The following DST variants were observed in gnomAD, a reference collection of about 807,000 sequenced individuals.
DST encodes dystonin.
DST carries 253 observed loss-of-function variants against 875.2 expected under a neutral mutation model. That is an observed-to-expected ratio of 0.29 (90% CI 0.26 to 0.32). The LOEUF (loss-of-function observed/expected upper bound fraction) is 0.32, where lower values mean the gene tolerates loss of function less well. Among genes scored for constraint, DST ranks in the 10% least tolerant of loss-of-function variants. The pLI is 1.00. For missense variants in DST, 8,287 were observed against 9,111.6 expected, an observed-to-expected ratio of 0.91 and a Z score of 3.68; for synonymous variants, 3,124 against 3,197.1, an observed-to-expected ratio of 0.98 and a Z score of 0.77.
intron 49 of DST, among the ~76,000 whole-genome samples, chr6:56,586,831 C>T (rs1363164266): frequency 6.6e-6 from 1 of 152,200 alleles, no homozygotes; most frequent in Non-Finnish European, 1.5e-5. Flanking sequence ...CAAACTCCAA[C>T]AGACCTGCAG....
At chr6:56,872,315 G>T (rs1242928092) in intron 3 of DST, among the ~76,000 whole-genome samples, 1 of 152,118 alleles carries the variant, frequency 6.6e-6, no homozygotes, top group Non-Finnish European at 1.5e-5. Context: ...ATTACATAAA[G>T]TATGATAACA....
rs140147455 is a variant in DST, at chr6:56,661,803, G to A, written c.1214+8838C>T. Among the ~76,000 whole-genome samples the A allele has an allele frequency of 2.8e-3, 431 of 152,226 alleles. 2 individuals are homozygous for A. The highest frequency in any genetic ancestry group is 9.7e-3 in the African/African-American group (401 of 41,536). On this transcript the variant is annotated intron_variant, in intron 10 of 103. Coordinates refer to ENST00000680361, the MANE Select transcript of DST (RefSeq NM_001374736.1). ...CCGTTTCTCCATGTTGGCCAGGATG[G>A]TCTTGAACTCCTGACCTCGGGTGAT...
intron 58 of DST, among the ~76,000 whole-genome samples, chr6:56,558,583 T>A (rs1205207233): frequency 6.6e-6 from 1 of 152,116 alleles, no homozygotes; most frequent in African/African-American, 2.4e-5. Context: ...CTGCTATTAA[T>A]GTTTCTCAGC....
intron 2 of DST, among the ~76,000 whole-genome samples, chr6:56,928,352 G>C (rs1037497646): frequency 6.6e-6 from 1 of 151,984 alleles, no homozygotes; most frequent in Non-Finnish European, 1.5e-5. Flanking sequence ...TATTGACGCA[G>C]CCCACTGTGC....
At chr6:56,567,841 A>T (rs10807515) in intron 55 of DST, among the ~76,000 whole-genome samples, 1 of 152,012 alleles carries the variant, frequency 6.6e-6, no homozygotes, top group Admixed American at 6.5e-5. Flanking sequence ...TGTATGTTTC[A>T]AACTAAAAAC....
chr6:56,759,175 G>C (rs1244284062), intron 4 of DST, among the ~76,000 whole-genome samples: 1 of 152,180 alleles, frequency 6.6e-6, no homozygotes, highest in East Asian at 1.9e-4. Context: ...ATCAGCCCAG[G>C]CGCAGTGGCT....
chr6:56,639,832 A>G, intron 19 of DST, 59 bp from the exon 20 acceptor site: 1 of 1,584,022 alleles, frequency 6.3e-7, no homozygotes, highest in Non-Finnish European at 8.7e-7. Flanking sequence ...TCTGACTCAC[A>G]CTTAATGTAT....
Position 56,607,111 on chromosome 6 carries a change from C to A in DST, c.7517G>T (p.Gly2506Val), listed in dbSNP as rs2098505247. The A allele has an allele frequency of 1.2e-6, 2 of 1,613,228 alleles. No individual in the cohort carries two copies. The highest frequency in any genetic ancestry group is 1.7e-6 in the Non-Finnish European group (2 of 1,179,544). The change falls in exon 40 of 104, where the codon GGA becomes GTA. Residue 2506 changes from glycine (G) to valine (V), a missense_variant. By Grantham distance (109) the Gly-to-Val change is moderately radical. Transcript: ENST00000680361. ...INISLPGEQY[G>V]QKSLNMISSN... is the part of the protein sequence containing the mutation. ...AGAAATCATATTTAAAGATTTCTGT[C>A]CATACTGCTCTCCTGGTAAACTGAT... is the stretch of plus-strand genomic sequence containing the variant.
intron 90 of DST, among the ~76,000 whole-genome samples, chr6:56,478,588 G>A (rs1031565810): frequency 6.6e-6 from 1 of 152,178 alleles, no homozygotes; most frequent in Non-Finnish European, 1.5e-5. Context: ...ATAGAACTCT[G>A]AAAATGTGAT....
intron 9 of DST, among the ~76,000 whole-genome samples, chr6:56,676,674 A>G (rs2099131844): frequency 6.9e-6 from 1 of 145,568 alleles, no homozygotes; most frequent in South Asian, 2.3e-4. Flanking sequence ...ATATACAAAC[A>G]ATACAGTACT....
rs771562597 is a variant in DST at position 56,597,814 on chromosome 6, G to T, written c.12121C>A (p.Leu4041Met). 7.4e-6 allele frequency: 12 copies of T among 1,613,930 alleles called. No homozygotes were observed. Among genetic ancestry groups the T allele is most frequent in the African/African-American group, 1.3e-5 (1 of 75,046 alleles). ...IGEEDEVNGN[L>M]LETDVDGQVG... ...TGCCCATCAACATCAGTCTCCAACA[G>T]GTTACCATTAACTTCATCCTCTTCT... Residue 4041 changes from leucine to methionine, a missense_variant, in exon 47 of 104, where the codon CTG (leucine) becomes ATG (methionine). Physicochemically the swap from Leu to Met is conservative, Grantham distance 15 (BLOSUM62 2). Coordinates refer to ENST00000680361, the MANE Select transcript of DST (RefSeq NM_001374736.1).
At chr6:56,942,973 T>C (rs1329619695) in intron 2 of DST, among the ~76,000 whole-genome samples, 1 of 152,134 alleles carries the variant, frequency 6.6e-6, no homozygotes, top group Non-Finnish European at 1.5e-5. Flanking sequence ...CTCCCGCATC[T>C]GCCTCCCAAA....
rs117295517 is a variant in DST, at chr6:56,759,234, T to A, written c.626-23945A>T. 0.011 allele frequency among the ~76,000 whole-genome samples: 1,630 copies of A among 152,260 alleles called. 59 individuals carry two copies. In the East Asian group the frequency reaches 0.11, roughly 10 times the overall value. ...GGGAGGCCGAAGTGGGCGGATCACT[T>A]GAGGTCAGGAGTTGGAGAGCCTGGC... is the stretch of plus-strand genomic sequence containing the variant. On this transcript the variant is annotated intron_variant, in intron 4 of 103. Coordinates refer to ENST00000680361, the MANE Select transcript of DST (RefSeq NM_001374736.1).
chr6:56,568,367 C>T, intron 55 of DST, 102 bp downstream of exon 55: 1 of 1,266,266 alleles, frequency 7.9e-7, no homozygotes, highest in Non-Finnish European at 1.1e-6. Flanking sequence ...CTTTGTATTT[C>T]TGAGGTTATT....
intron 27 of DST, among the ~76,000 whole-genome samples, 196 bp from the exon 28 acceptor site, chr6:56,633,233 C>CTTTTTTTTTTTTTTTTT (rs61647189): frequency 7.2e-6 from 1 of 138,718 alleles, no homozygotes; most frequent in African/African-American, 3.0e-5. Context: ...GAGTTTCACT[C>CTTTTTTTTTTTTTTTTT]TTTTTTTTTT....
chr6:56,612,741 C>A (rs904210656), intron 37 of DST, among the ~76,000 whole-genome samples: 4 of 152,154 alleles, frequency 2.6e-5, no homozygotes, highest in Admixed American at 2.0e-4. Flanking sequence ...AACAGAACGA[C>A]CATCAGCTGT....
In DST at chr6:56,534,933, A is replaced by T. The variant is rs7758054; in HGVS notation, c.16941+189T>A. 0.79 allele frequency among the ~76,000 whole-genome samples: 119,886 copies of T among 152,242 alleles called. 47,734 individuals carry two copies. Among genetic ancestry groups the T allele is most frequent in the African/African-American group, 0.9 (37,195 of 41,540 alleles). On this transcript the variant is annotated intron_variant, in intron 63 of 103. Transcript: ENST00000680361. ...TTTATTCAAGGATATATTCCCAGCA[A>T]CTGGAACAAGGCCTGGCCCATGGTA...
chr6:56,484,398 A>G (rs1403649396), intron 88 of DST: 1 of 151,924 alleles, frequency 6.6e-6, no homozygotes, highest in African/African-American at 2.4e-5. Context: ...GGGTATAATG[A>G]TAGAATAGAA....
At chr6:56,861,070 T>A (rs1006720589) in intron 3 of DST, among the ~76,000 whole-genome samples, 5 of 152,228 alleles carry the variant, frequency 3.3e-5, no homozygotes, top group African/African-American at 7.2e-5. Context: ...TTATATCTTC[T>A]TTATGCTTCC....
Sources: gnomAD v4.1 joint callset for allele counts (sites outside exome capture counted in the v4.1 genomes callset) on GRCh38, gnomAD v4.1.1 for gene constraint, MANE v1.5 for transcripts, NCBI Gene and HGNC (gene_info 2026-07-23, HGNC 2026-07-21) for gene names.